Variants in DNAH11 observed in about 807,000 individuals in gnomAD.
The protein encoded by DNAH11 is dynein axonemal heavy chain 11.
In DNAH11, 442 loss-of-function variants were observed where a neutral mutation model predicts 526.0. The observed-to-expected ratio is 0.84, with a 90% CI of 0.78 to 0.91. The LOEUF is 0.91. Among genes scored for constraint, DNAH11 ranks in the 40% least tolerant of loss-of-function variants. DNAH11 has a pLI of 0.00. For missense variants in DNAH11, 6,989 were observed against 5,448.7 expected (o/e 1.28, Z -8.90); for synonymous variants, 2,461 against 1,935.9 (o/e 1.27, Z -7.12).
chr7:21,784,505 G>A lies in DNAH11; in HGVS notation c.9562G>A (p.Val3188Met). 2 of 1,613,088 alleles carry A rather than the reference G, an allele frequency of 1.2e-6. No individual in the cohort carries two copies. The highest frequency in any genetic ancestry group is 1.7e-6 in the Non-Finnish European group (2 of 1,179,434). The change falls in exon 58 of 82, where the codon GTG becomes ATG. Residue 3188 changes from valine (V) to methionine (M), a missense_variant. Physicochemically the swap from Val to Met is conservative, Grantham distance 21. Transcript: ENST00000409508. The part of the protein sequence containing the change: ...ADLLKAEPAL[V>M]AATAALNTLN... Reference sequence around the variant, plus strand: ...CTTACTCAAGGCTGAGCCTGCACTGGTGGCTGCTACAGCTGCACTCAATAC... The same window carrying A: ...CTTACTCAAGGCTGAGCCTGCACTGATGGCTGCTACAGCTGCACTCAATAC...
At chr7:21,574,564 C>CTTTTTT (rs35535321) in intron 8 of DNAH11, among the ~76,000 whole-genome samples, 26 of 123,844 alleles carry the variant, frequency 2.1e-4, no homozygotes, top group African/African-American at 7.7e-4. Context: ...CCCTTCCTTC[C>CTTTTTT]TTTTTTTTTT....
chr7:21,590,041 T>G lies in DNAH11; in HGVS notation c.2169+638T>G, dbSNP rs539905648. 4.3e-4 allele frequency among the ~76,000 whole-genome samples: 66 copies of G among 152,318 alleles called. No homozygotes were observed. The South Asian group carries it at 4.8e-3, about 11-fold the overall frequency. ...ATGTCCAGGATGAATATTATCTTTA[T>G]TGAACAGGTCTTTTGTTAATGCATG... On this transcript the variant is annotated intron_variant, in intron 12 of 81. Transcript: ENST00000409508.
intron 66 of DNAH11, chr7:21,851,448 T>C: frequency 4.6e-6 from 2 of 433,776 alleles, no homozygotes; most frequent in Non-Finnish European, 9.5e-6. Flanking sequence ...ATCCAGGTCA[T>C]ATTAGGCACT....
intron 11 of DNAH11, among the ~76,000 whole-genome samples, chr7:21,588,852 T>C (rs1784569291): frequency 6.6e-6 from 1 of 152,182 alleles, no homozygotes; most frequent in African/African-American, 2.4e-5. Context: ...TTCTGGTCCT[T>C]TTTTTCTTTT....
Position 21,574,867 on chromosome 7 carries a change from C to CTTTTTTTTT in DNAH11, c.1593+2913_1593+2921dup, listed in dbSNP as rs869117425. Among the ~76,000 whole-genome samples, 7 of 42,860 alleles carry CTTTTTTTTT rather than the reference C, an allele frequency of 1.6e-4. 1 individual carries two copies. The highest frequency in any genetic ancestry group is 4.9e-4 in the African/African-American group (4 of 8,082). The allele number at this position is 42,860 out of a possible 152,430, so 28.1% of individuals were successfully genotyped here. ...TACAGGCGTGAGCCACTGCACTGGG[C>CTTTTTTTTT]TTTTTTTTTTTTTTTTTTTTTTTTT... On this transcript the variant is annotated intron_variant, in intron 8 of 81. Coordinates refer to ENST00000409508, the MANE Select transcript of DNAH11 (RefSeq NM_001277115.2).
chr7:21,605,950 A>T (rs936387721), intron 18 of DNAH11, among the ~76,000 whole-genome samples: 11 of 152,188 alleles, frequency 7.2e-5, no homozygotes, highest in African/African-American at 2.7e-4. Flanking sequence ...CCTTGGTTCT[A>T]AGCCTTTTCA....
intron 65 of DNAH11, among the ~76,000 whole-genome samples, chr7:21,819,349 A>G (rs1183791540): frequency 6.6e-6 from 1 of 152,146 alleles, no homozygotes; most frequent in Non-Finnish European, 1.5e-5. Flanking sequence ...TTAGTATGGT[A>G]TTTATCATAC....
chr7:21,615,271 G>C lies in DNAH11; in HGVS notation c.4010G>C (p.Arg1337Pro), dbSNP rs1199098593. The C allele has an allele frequency of 1.2e-6, 2 of 1,609,314 alleles. No individual in the cohort carries two copies. The highest frequency in any genetic ancestry group is 1.7e-6 in the Non-Finnish European group (2 of 1,177,584). ...CTGTGGGATGTCATTATTTATGTTC[G>C]AGTAAGATGTGCTTTTTCAAAACAT... ...KGLWDVIIYV[R>P]RSIDNWTKTQ... is the part of the protein sequence containing the mutation. Residue 1337 changes from arginine to proline, a missense_variant and splice_region_variant, in exon 21 of 82, where the codon CGA becomes CCA. Arg to Pro is a moderately radical substitution (Grantham distance 103, BLOSUM62 -2). Transcript: ENST00000409508.
At chr7:21,829,492 C>T (rs1447906155) in intron 65 of DNAH11, among the ~76,000 whole-genome samples, 3 of 152,176 alleles carry the variant, frequency 2.0e-5, no homozygotes, top group African/African-American at 7.2e-5. Flanking sequence ...TCTAATAAAG[C>T]CACTTCTAAT....
chr7:21,642,896 T>A (rs1443323390), intron 28 of DNAH11, among the ~76,000 whole-genome samples: 1 of 152,134 alleles, frequency 6.6e-6, no homozygotes, highest in East Asian at 1.9e-4. Context: ...AAAATTGGTG[T>A]GTCTAGAATG....
intron 1 of DNAH11, 106 bp from the exon 2 acceptor site, chr7:21,544,900 C>T (rs1206723166): frequency 2.2e-6 from 2 of 921,960 alleles, no homozygotes; most frequent in Admixed American, 3.1e-5. Context: ...AGGCAAGATG[C>T]CAGGTTTTGT....
At position 21,778,998 on chromosome 7, in the gene DNAH11, A is replaced by G; in HGVS notation, c.9377A>G (p.Glu3126Gly). ...GCCAGACTTGCCTCTCAAGAAGCCG[A>G]GCTGCAACTGAGAAATCATGATGCC... ...LKARLASQEA[E>G]LQLRNHDAEA... is the part of the protein sequence containing the mutation. Residue 3126 changes from glutamate to glycine, a missense_variant, in exon 57 of 82, where the codon GAG (glutamate) becomes GGG (glycine). Coordinates refer to ENST00000409508, the MANE Select transcript of DNAH11 (RefSeq NM_001277115.2). The G allele has an allele frequency of 6.2e-7, 1 of 1,613,422 alleles. No individual in the cohort carries two copies. Among genetic ancestry groups the G allele is most frequent in the Non-Finnish European group, 8.5e-7 (1 of 1,179,584 alleles).
chr7:21,716,599 C>T (rs1164758073), intron 42 of DNAH11, among the ~76,000 whole-genome samples: 2 of 152,140 alleles, frequency 1.3e-5, no homozygotes, highest in African/African-American at 4.8e-5. Flanking sequence ...GATCTAGATA[C>T]AAAGATTCCA....
chr7:21,567,408 C>T (rs181756123), intron 6 of DNAH11, among the ~76,000 whole-genome samples: 299 of 152,296 alleles, frequency 2.0e-3, no homozygotes, highest in Middle Eastern at 6.8e-3. Flanking sequence ...AGCTGACATG[C>T]TGTCAGCTCA....
At chr7:21,683,704 C>T in intron 31 of DNAH11, 80 bp from the exon 32 acceptor site, 1 of 1,391,422 alleles carries the variant, frequency 7.2e-7, no homozygotes, top group Non-Finnish European at 9.5e-7. Flanking sequence ...GAAATGTGAA[C>T]CAGTAGAGTT....
intron 28 of DNAH11, among the ~76,000 whole-genome samples, chr7:21,641,554 A>G (rs554684596): frequency 1.1e-4 from 17 of 152,308 alleles, no homozygotes; most frequent in South Asian, 4.1e-4. Flanking sequence ...AGATCACTCA[A>G]TGAATTCTTG....
intron 54 of DNAH11, among the ~76,000 whole-genome samples, chr7:21,755,506 G>C (rs1360338747): frequency 6.6e-6 from 1 of 150,712 alleles, no homozygotes; most frequent in East Asian, 1.9e-4. Flanking sequence ...ATCTTTCTAA[G>C]TATATATATA....
rs769756688 is a variant in DNAH11, at chr7:21,894,920, C to T, written c.12970C>T (p.Gln4324Ter). 2.5e-6 allele frequency: 4 copies of T among 1,613,868 alleles called. No individual in the cohort carries two copies. The highest frequency in any genetic ancestry group is 2.7e-5 in the African/African-American group (2 of 74,916). The change falls in exon 79 of 82, where the codon CAG becomes TAG. Residue 4324 changes from glutamine to a stop codon, truncating the protein, a stop_gained. Coordinates refer to ENST00000409508, the MANE Select transcript of DNAH11 (RefSeq NM_001277115.2). LOFTEE classifies it high-confidence loss of function. ...ATTATCTCCTGCTGTGGAAGCCCAG[C>T]AGTTTGCATTGAGTTATGACACGGT... ...LALSPAVEAQ[Q>*]FALSYDTVPD...
intron 2 of DNAH11, 47 bp from the exon 3 acceptor site, chr7:21,558,755 G>A: frequency 7.1e-7 from 1 of 1,404,276 alleles, no homozygotes; most frequent in Non-Finnish European, 9.6e-7. Flanking sequence ...ATCTTTGAAG[G>A]AATGCATTGT....
Sources: allele counts gnomAD v4.1 joint callset (sites outside exome capture counted in the v4.1 genomes callset), GRCh38; gene constraint gnomAD v4.1.1; transcripts MANE v1.5; gene names NCBI Gene and HGNC (gene_info 2026-07-23, HGNC 2026-07-21).